The following ANKS1A variants were observed in gnomAD, a reference collection of about 807,000 sequenced individuals.
ANKS1A encodes the protein ankyrin repeat and SAM domain-containing protein 1A.
Under a neutral mutation model 120.3 loss-of-function variants are expected in ANKS1A, and 55 were observed. That is an observed-to-expected ratio of 0.46 (90% CI 0.37 to 0.57). The LOEUF (loss-of-function observed/expected upper bound fraction) is 0.57, where lower values mean the gene tolerates loss of function less well. Ranked by LOEUF, ANKS1A falls within the 20% of genes least tolerant of loss-of-function variation. The pLI, the probability that ANKS1A is intolerant of heterozygous loss-of-function variation, is 0.00. For synonymous variants in ANKS1A, 590 were observed against 604.7 expected (o/e 0.98, Z 0.36); for missense variants, 1,123 against 1,480.3 (o/e 0.76, Z 3.96).
chr6:35,023,017 A>G (rs1774423037), intron 11 of ANKS1A, among the ~76,000 whole-genome samples: 1 of 152,218 alleles, frequency 6.6e-6, no homozygotes, highest in Non-Finnish European at 1.5e-5. Context: ...CCTGCCCTTC[A>G]GGTCCAGTTC....
At chr6:35,087,728 G>T (rs1778070643) in intron 23 of ANKS1A, among the ~76,000 whole-genome samples, 2 of 152,246 alleles carry the variant, frequency 1.3e-5, no homozygotes, top group South Asian at 4.1e-4. Flanking sequence ...GAGGGCCCAA[G>T]ATATGCGCCA....
At chr6:35,014,741 T>C (rs1469592222) in intron 10 of ANKS1A, among the ~76,000 whole-genome samples, 1 of 152,234 alleles carries the variant, frequency 6.6e-6, no homozygotes, top group Non-Finnish European at 1.5e-5. Flanking sequence ...AGTAGAAGCC[T>C]GTGCTCCTTT....
chr6:34,962,890 C>T (rs1292182891), intron 1 of ANKS1A, among the ~76,000 whole-genome samples: 1 of 149,694 alleles, frequency 6.7e-6, no homozygotes, highest in Admixed American at 6.7e-5. Flanking sequence ...GAGATGGGAT[C>T]TTGCTCTGTC....
At chr6:35,071,646 A>C (rs572217119) in intron 13 of ANKS1A, among the ~76,000 whole-genome samples, 26 of 152,248 alleles carry the variant, frequency 1.7e-4, no homozygotes, top group Non-Finnish European at 2.9e-5. Flanking sequence ...TTTTTGGTTC[A>C]TACCGCTGAG....
chr6:34,985,527 C>T lies in ANKS1A; in HGVS notation c.1209+249C>T, dbSNP rs149961505. Among the ~76,000 whole-genome samples, 92 of 152,314 alleles carry T rather than the reference C, an allele frequency of 6.0e-4. 1 individual carries two copies. The highest frequency in any genetic ancestry group is 1.9e-3 in the African/African-American group (81 of 41,568). ...TCAGTATAAGCAGCTTGCATCTTTA[C>T]GTGACTTCATTGGCCTTAGAGCAAA... On this transcript the variant is annotated intron_variant, in intron 8 of 23. Transcript: ENST00000360359.
At chr6:34,957,857 T>C (rs1770447978) in intron 1 of ANKS1A, among the ~76,000 whole-genome samples, 1 of 152,244 alleles carries the variant, frequency 6.6e-6, no homozygotes, top group South Asian at 2.1e-4. Context: ...TCCGTTCTCA[T>C]GTAATCAACT....
chr6:34,916,999 G>C (rs372036723), intron 1 of ANKS1A, among the ~76,000 whole-genome samples: 81 of 152,294 alleles, frequency 5.3e-4, no homozygotes, highest in African/African-American at 1.9e-3. Flanking sequence ...TAATAGAGTA[G>C]AATGGCTGAT....
chr6:35,001,009 C>T (rs576511663), intron 10 of ANKS1A, among the ~76,000 whole-genome samples: 1 of 152,072 alleles, frequency 6.6e-6, no homozygotes, highest in South Asian at 2.1e-4. Context: ...TGCTCTTTAA[C>T]AAAAATTATG....
At chr6:34,947,378 C>T (rs1425281791) in intron 1 of ANKS1A, among the ~76,000 whole-genome samples, 3 of 152,014 alleles carry the variant, frequency 2.0e-5, no homozygotes, top group African/African-American at 7.3e-5. Context: ...AACTCCTGAC[C>T]TCAAGTGATC....
rs1175845561 is a variant in ANKS1A at position 35,083,156 on chromosome 6, A to T, written c.2837A>T (p.Tyr946Phe). 1.2e-6 allele frequency: 2 copies of T among 1,613,994 alleles called. No homozygotes were observed. The highest frequency in any genetic ancestry group is 1.7e-6 in the Non-Finnish European group (2 of 1,180,000). The change falls in exon 19 of 24, where the codon TAT becomes TTT. Residue 946 changes from tyrosine (Y) to phenylalanine (F), a missense_variant and splice_region_variant. Physicochemically the swap from Tyr to Phe is conservative, Grantham distance 22 (BLOSUM62 3). Around this residue, in one of 3 missense-constraint regions of ANKS1A, gnomAD observed 904 missense variants for 1,130.4 expected, o/e 0.80. Transcript: ENST00000360359. ...IFESCGYEAN[Y>F]LGSMLIKDLR... ...CCTGGCCACTGCTCGCCCCCACAGT[A>T]TCTGGGCTCCATGCTGATCAAAGAT...
chr6:35,001,597 C>A (rs1443757808), intron 10 of ANKS1A, among the ~76,000 whole-genome samples: 2 of 152,268 alleles, frequency 1.3e-5, no homozygotes, highest in African/African-American at 2.4e-5. Context: ...AGGTTCACTT[C>A]GTGTCTCTCA....
chr6:34,979,994 G>C (rs1771820588), intron 3 of ANKS1A, among the ~76,000 whole-genome samples: 2 of 152,242 alleles, frequency 1.3e-5, no homozygotes, highest in African/African-American at 4.8e-5. Flanking sequence ...ACAGCTCTAA[G>C]TTTGCTTAGG....
chr6:35,032,580 C>G (rs1774962636), intron 11 of ANKS1A, among the ~76,000 whole-genome samples: 1 of 152,154 alleles, frequency 6.6e-6, no homozygotes, highest in Non-Finnish European at 1.5e-5. Flanking sequence ...GTCCTGAGTC[C>G]TTAAAATGTC....
chr6:34,991,517 C>A, intron 9 of ANKS1A, among the ~76,000 whole-genome samples: 1 of 145,268 alleles, frequency 6.9e-6, no homozygotes, highest in Admixed American at 7.1e-5. Flanking sequence ...TTGCTTTCCA[C>A]ATAGCCGGGA....
At chr6:35,097,325 A>G in the ANKS1A span, among the ~76,000 whole-genome samples, 1 of 152,140 alleles carries the variant, frequency 6.6e-6, no homozygotes, top group Non-Finnish European at 1.5e-5. Flanking sequence ...CCTGGCCAAC[A>G]TGGTGAAACC....
At chr6:35,005,436 T>A (rs1198969120) in intron 10 of ANKS1A, among the ~76,000 whole-genome samples, 1 of 152,250 alleles carries the variant, frequency 6.6e-6, no homozygotes, top group Admixed American at 6.5e-5. Flanking sequence ...TAAATACCTA[T>A]AATACTTGGC....
intron 1 of ANKS1A, among the ~76,000 whole-genome samples, chr6:34,943,576 T>C (rs1769636750): frequency 2.0e-5 from 3 of 152,220 alleles, no homozygotes; most frequent in Admixed American, 2.0e-4. Flanking sequence ...CTGTGCTCCA[T>C]CTATTCACCT....
intron 13 of ANKS1A, among the ~76,000 whole-genome samples, chr6:35,070,701 G>T (rs1338656937): frequency 6.6e-6 from 1 of 151,732 alleles, no homozygotes; most frequent in African/African-American, 2.4e-5. Flanking sequence ...AGCCTGGATG[G>T]TCTCAATCTC....
intron 11 of ANKS1A, among the ~76,000 whole-genome samples, chr6:35,022,340 TG>T (rs1424116072): frequency 6.6e-6 from 1 of 152,226 alleles, no homozygotes; most frequent in African/African-American, 2.4e-5. Flanking sequence ...TTGGGGAACA[TG>T]TATGGCTAAT....
Sources: allele counts gnomAD v4.1 joint callset (sites outside exome capture counted in the v4.1 genomes callset), GRCh38; gene constraint gnomAD v4.1.1; regional missense constraint gnomAD v4.1.1; transcripts MANE v1.5; gene names NCBI Gene and HGNC (gene_info 2026-07-23, HGNC 2026-07-21).